The following MYO18B variants were observed in gnomAD, a reference collection of about 807,000 sequenced individuals.
MYO18B encodes the protein unconventional myosin-XVIIIb.
A neutral mutation model predicts 273.0 loss-of-function variants in MYO18B; 204 were observed. The ratio of observed to expected loss-of-function variants is 0.75; its 90% CI spans 0.67 to 0.84. The LOEUF is 0.84. MYO18B is among the 40% of genes least tolerant of loss of function. The pLI, the probability that MYO18B is intolerant of heterozygous loss-of-function variation, is 0.00. For synonymous variants in MYO18B, 1,330 were observed against 1,305.7 expected (o/e 1.02, Z -0.40); for missense variants, 3,212 against 3,287.6 (o/e 0.98, Z 0.56).
At chr22:25,875,510 C>CT (rs936026285) in intron 23 of MYO18B, among the ~76,000 whole-genome samples, 2 of 150,594 alleles carry the variant, frequency 1.3e-5, no homozygotes. Context: ...TCTGGTCCCC[C>CT]CCCCAGTGAT....
rs886175802 is a variant in MYO18B at position 26,027,998 on chromosome 22, C to G, written c.*12+308C>G. Among the ~76,000 whole-genome samples, 1 of 152,058 alleles carries G rather than the reference C, an allele frequency of 6.6e-6. No individual in the cohort carries two copies. Among genetic ancestry groups the G allele is most frequent in the Non-Finnish European group, 1.5e-5 (1 of 68,010 alleles). ...GTGGCTCACGCCTGTAATCCCAGCACTTTGGGAGGCCAAGGCGGGTGGATC... is the reference window on the plus strand; with the variant it reads ...GTGGCTCACGCCTGTAATCCCAGCAGTTTGGGAGGCCAAGGCGGGTGGATC... On this transcript the variant is annotated intron_variant, in intron 43 of 43. Transcript: ENST00000335473. This position sits in a 1 kb window ranked among gnomAD's most constrained non-coding sequence, Gnocchi z 4.1.
rs766761200 is a variant in MYO18B at position 26,027,384 on chromosome 22, T to C, written c.7410T>C (p.Arg2470=). The stretch of plus-strand genomic sequence containing the variant: ...AAGGTGGGCAAGACGGTTCACAGCG[T>C]TCAAGCATCCACTTTGAAACGGAAG... ...SAKGGQDGSQ[R]SSIHFETEEA... is the part of the protein sequence containing the mutation. The change falls in exon 43 of 44, where the codon CGT becomes CGC. Residue 2470 remains arginine, a synonymous_variant. Coordinates refer to ENST00000335473, the MANE Select transcript of MYO18B (RefSeq NM_032608.7). This position sits in a 1 kb window ranked among gnomAD's most constrained non-coding sequence, Gnocchi z 4.1. 9.9e-6 allele frequency: 16 copies of C among 1,613,724 alleles called. No individual in the cohort carries two copies. The South Asian group carries it at 1.8e-4, about 18-fold the overall frequency.
rs1214555628 is a variant in MYO18B, at chr22:25,952,343, A to G, written c.5890A>G (p.Ile1964Val). ...GGAACAGTCCACCGTGGATCGAGCCATCGTCAGCAGGCAGGAGGCGGTCAT... is the reference window on the plus strand; with the variant it reads ...GGAACAGTCCACCGTGGATCGAGCCGTCGTCAGCAGGCAGGAGGCGGTCAT... Reference protein sequence around the residue: ...YLEQSTVDRAIVSRQEAVICD... With the variant: ...YLEQSTVDRAVVSRQEAVICD... The change falls in exon 38 of 44, where the codon ATC becomes GTC. Residue 1964 changes from isoleucine (I) to valine (V), a missense_variant. Coordinates refer to ENST00000335473, the MANE Select transcript of MYO18B (RefSeq NM_032608.7). The G allele has an allele frequency of 2.0e-5, 32 of 1,612,396 alleles. No individual in the cohort carries two copies. Among genetic ancestry groups the G allele is most frequent in the Non-Finnish European group, 2.5e-5 (30 of 1,179,352 alleles).
chr22:25,822,781 G>T (rs542078315), intron 12 of MYO18B, among the ~76,000 whole-genome samples: 5 of 152,250 alleles, frequency 3.3e-5, no homozygotes, highest in Non-Finnish European at 5.9e-5. Context: ...TAAGGGGTCC[G>T]CATGAAGAGG....
rs558946511 is a variant in MYO18B, at chr22:25,822,261, C to T, written c.2522-1244C>T. 5.5e-4 allele frequency among the ~76,000 whole-genome samples: 84 copies of T among 152,304 alleles called. 1 individual carries two copies. The highest frequency in any genetic ancestry group is 1.3e-3 in the African/African-American group (52 of 41,560). On this transcript the variant is annotated intron_variant, in intron 12 of 43. Transcript: ENST00000335473. ...CACTTCGCTGGTTCTTTATGTAGTACCTCCTTCTCACCTTTCATAGCTCAG... is the reference window on the plus strand; with the variant it reads ...CACTTCGCTGGTTCTTTATGTAGTATCTCCTTCTCACCTTTCATAGCTCAG...
intron 1 of MYO18B, among the ~76,000 whole-genome samples, chr22:25,758,177 CTAA>C (rs916480899): frequency 2.6e-5 from 4 of 152,060 alleles, no homozygotes; most frequent in African/African-American, 7.2e-5. Context: ...CCACACCAGG[CTAA>C]TATTTGTATT....
intron 33 of MYO18B, among the ~76,000 whole-genome samples, chr22:25,912,130 G>T (rs2092170138): frequency 6.6e-6 from 1 of 152,190 alleles, no homozygotes; most frequent in African/African-American, 2.4e-5. Flanking sequence ...CAAAATAAAT[G>T]CTTATTATGT....
At chr22:25,950,914 A>C (rs553659037) in intron 37 of MYO18B, among the ~76,000 whole-genome samples, 12 of 152,312 alleles carry the variant, frequency 7.9e-5, no homozygotes, top group African/African-American at 2.9e-4. Context: ...ACAAGGTCCC[A>C]CAATAGGCCT....
At chr22:25,953,544 G>A (rs902891348) in intron 38 of MYO18B, 1 of 152,144 alleles carries the variant, frequency 6.6e-6, no homozygotes, top group Non-Finnish European at 1.5e-5. Flanking sequence ...AGGCTGCTAT[G>A]GATGAAGAAC....
intron 1 of MYO18B, among the ~76,000 whole-genome samples, chr22:25,750,404 A>C (rs2085898673): frequency 6.6e-6 from 1 of 152,174 alleles, no homozygotes; most frequent in Non-Finnish European, 1.5e-5. Context: ...CATAGAGCAA[A>C]GTAGAAGAGA....
intron 17 of MYO18B, among the ~76,000 whole-genome samples, chr22:25,835,693 A>G (rs2089874047): frequency 1.3e-5 from 2 of 152,258 alleles, no homozygotes; most frequent in Non-Finnish European, 2.9e-5. Context: ...CTCATGGGGA[A>G]GGCACAAGCT....
intron 17 of MYO18B, among the ~76,000 whole-genome samples, chr22:25,838,158 C>A (rs199780038): frequency 2.7e-5 from 4 of 146,986 alleles, no homozygotes; most frequent in Non-Finnish European, 6.0e-5. Flanking sequence ...TACACACACA[C>A]AAATATATAT....
At chr22:25,938,845 A>G (rs1265662466) in intron 34 of MYO18B, among the ~76,000 whole-genome samples, 1 of 152,312 alleles carries the variant, frequency 6.6e-6, no homozygotes, top group African/African-American at 2.4e-5. Flanking sequence ...TGCTTTTTTA[A>G]GAGATGGGAT....
Position 25,770,889 on chromosome 22 carries a change from G to A in MYO18B, c.1597G>A (p.Asp533Asn). The change falls in exon 6 of 44, where the codon GAT becomes AAT. Residue 533 changes from aspartate to asparagine, a missense_variant. Transcript: ENST00000335473. ...CCAACCAGCTACGGTGCTAAAGCCA[G>A]ATGAGGGAACAGCAGACCTGCCAGC... The part of the protein sequence containing the change: ...GFTLATVLKP[D>N]EGTADLPAGR... 1 of 1,551,976 alleles carries A rather than the reference G, an allele frequency of 6.4e-7. No individual in the cohort carries two copies. Among genetic ancestry groups the A allele is most frequent in the Non-Finnish European group, 8.7e-7 (1 of 1,147,088 alleles).
rs1481925335 is a variant in MYO18B at position 25,911,057 on chromosome 22, G to C, written c.5364+7G>C. 9.5e-6 allele frequency: 15 copies of C among 1,587,166 alleles called. No individual in the cohort carries two copies. Among genetic ancestry groups the C allele is most frequent in the South Asian group, 1.1e-5 (1 of 87,048 alleles). On this transcript the variant is annotated splice_region_variant and intron_variant, in intron 33 of 43. Transcript: ENST00000335473. ...CGGAACCCTCTGTGACCAGGTAAGG[G>C]GGAGACATTGGCAGACATTCAGAGG...
Position 25,835,293 on chromosome 22 carries a change from C to A in MYO18B, c.3061-3C>A, listed in dbSNP as rs1445119786. The A allele has an allele frequency of 1.9e-6, 3 of 1,613,172 alleles. No individual in the cohort carries two copies. Among genetic ancestry groups the A allele is most frequent in the South Asian group, 2.2e-5 (2 of 90,950 alleles). Reference sequence around the variant, plus strand: ...CTTCAGTGAATCCTGGTTCTCCCAGCAGGTCCGCTTACCAGCTGGAGGAGG... The same window carrying A: ...CTTCAGTGAATCCTGGTTCTCCCAGAAGGTCCGCTTACCAGCTGGAGGAGG... On this transcript the variant is annotated splice_region_variant and splice_polypyrimidine_tract_variant and intron_variant, in intron 16 of 43. Coordinates refer to ENST00000335473, the MANE Select transcript of MYO18B (RefSeq NM_032608.7).
intron 34 of MYO18B, among the ~76,000 whole-genome samples, chr22:25,941,841 C>T (rs560358352): frequency 1.3e-5 from 2 of 152,328 alleles, no homozygotes; most frequent in East Asian, 1.9e-4. Flanking sequence ...TGACCTCCCT[C>T]TACCCATCCC....
intron 2 of MYO18B, 30 bp from the exon 3 acceptor site, chr22:25,763,201 G>A: frequency 6.2e-7 from 1 of 1,610,372 alleles, no homozygotes; most frequent in Non-Finnish European, 8.5e-7. Flanking sequence ...GACTCACTGA[G>A]CTCTCTCTTT....
At chr22:25,763,533 T>G in intron 3 of MYO18B, 144 bp downstream of exon 3, 1 of 981,920 alleles carries the variant, frequency 1.0e-6, no homozygotes, top group Non-Finnish European at 1.5e-6. Context: ...CTTGATCTAT[T>G]GAGCTCTTAT....
Sources: allele counts gnomAD v4.1 joint callset (sites outside exome capture counted in the v4.1 genomes callset), GRCh38; gene constraint gnomAD v4.1.1; non-coding constraint Gnocchi (gnomAD v3.1); transcripts MANE v1.5; gene names NCBI Gene and HGNC (gene_info 2026-07-23, HGNC 2026-07-21).